RSPH3: variants seen among roughly 807,000 people sequenced by gnomAD.
The protein encoded by RSPH3 is radial spoke head protein 3 homolog.
In RSPH3, 21 loss-of-function variants were observed where a neutral mutation model predicts 43.8. That is an observed-to-expected ratio of 0.48 (90% CI 0.34 to 0.69). The LOEUF (loss-of-function observed/expected upper bound fraction) is 0.69, where lower values mean the gene tolerates loss of function less well. Among genes scored for constraint, RSPH3 ranks in the 30% least tolerant of loss-of-function variants. RSPH3 has a pLI of 0.01. For missense variants in RSPH3, 487 were observed against 516.0 expected (o/e 0.94, Z 0.54); for synonymous variants, 173 against 179.8 (o/e 0.96, Z 0.30).
In RSPH3 at chr6:158,975,554, A is replaced by C. The variant is rs890349636; in HGVS notation, c.*1984T>G. The C allele has an allele frequency of 1.4e-4, 21 of 152,324 alleles. No individual in the cohort carries two copies. Among genetic ancestry groups the C allele is most frequent in the African/African-American group, 4.6e-4 (19 of 41,564 alleles). The allele number at this position is 152,324 out of a possible 1,614,324, so 9.4% of individuals were successfully genotyped here. ...ATTTACTTCATTTAGCTCCACTGCT[A>C]GGCTGTAAAAAACATGTAGTATTCG... On this transcript the variant is annotated 3_prime_UTR_variant, in exon 8 of 8. Coordinates refer to ENST00000367069, the MANE Select transcript of RSPH3 (RefSeq NM_031924.8).
chr6:158,996,004 A>G (rs972565018), intron 1 of RSPH3, among the ~76,000 whole-genome samples: 1 of 152,202 alleles, frequency 6.6e-6, no homozygotes, highest in East Asian at 1.9e-4. Flanking sequence ...CCTTAATGTA[A>G]TCACATCTCA....
intron 3 of RSPH3, among the ~76,000 whole-genome samples, chr6:158,985,436 G>C (rs535005148): frequency 6.6e-6 from 1 of 152,304 alleles, no homozygotes; most frequent in East Asian, 1.9e-4. Flanking sequence ...ACTGCTAAGA[G>C]AGAATTTGGT....
rs915608708 is a variant in RSPH3 at position 158,989,558 on chromosome 6, G to T, written c.205-3137C>A. On this transcript the variant is annotated intron_variant, in intron 2 of 7. Transcript: ENST00000367069. The surrounding 1 kb of genome is among the most constrained non-coding windows in gnomAD (Gnocchi z 4.3). ...TCCTACAATGTGGTGCTGCTGAACA[G>T]CCACTCTGATTTGGTGTTTCCTTTG... Among the ~76,000 whole-genome samples, 4 of 152,266 alleles carry T rather than the reference G, an allele frequency of 2.6e-5. No individual in the cohort carries two copies. In the East Asian group the frequency reaches 7.7e-4, roughly 29 times the overall value.
Position 158,975,193 on chromosome 6 carries a change from A to G in RSPH3, c.*2345T>C, listed in dbSNP as rs982281187. ...AGATATTTTAAAATTGGTAATAACA[A>G]TAATAATCAGCAATAGCCCTAATTA... On this transcript the variant is annotated 3_prime_UTR_variant, in exon 8 of 8. Transcript: ENST00000367069. 1 of 152,206 alleles carries G rather than the reference A, an allele frequency of 6.6e-6. No individual in the cohort carries two copies. Among genetic ancestry groups the G allele is most frequent in the South Asian group, 2.1e-4 (1 of 4,828 alleles). The allele number at this position is 152,206 out of a possible 1,614,324, so 9.4% of individuals were successfully genotyped here. A position where few individuals can be genotyped will look rare whatever the true frequency, so the allele number is the denominator to read the frequency against.
intron 4 of RSPH3, 52 bp downstream of exon 4, chr6:158,983,610 C>T: frequency 1.4e-6 from 2 of 1,411,210 alleles, no homozygotes; most frequent in Non-Finnish European, 2.0e-6. Context: ...CTACACCTAA[C>T]TTTACCTCAT....
At chr6:158,981,055 T>C in intron 5 of RSPH3, 119 bp from the exon 6 acceptor site, 2 of 907,826 alleles carry the variant, frequency 2.2e-6, no homozygotes, top group South Asian at 3.9e-5. Flanking sequence ...GAGGTGTCTA[T>C]CTATTAAAGG....
chr6:158,995,984 A>G (rs960783795), intron 1 of RSPH3, among the ~76,000 whole-genome samples: 1 of 152,122 alleles, frequency 6.6e-6, no homozygotes, highest in South Asian at 2.1e-4. Flanking sequence ...AAGATCTCCC[A>G]TCTCAAGATC....
chr6:158,982,471 A>G lies in RSPH3; in HGVS notation c.696+14T>C. 6.5e-7 allele frequency: 1 copy of G among 1,548,500 alleles called. No individual in the cohort carries two copies. Among genetic ancestry groups the G allele is most frequent in the Non-Finnish European group, 8.8e-7 (1 of 1,142,606 alleles). On this transcript the variant is annotated intron_variant, in intron 5 of 7. Coordinates refer to ENST00000367069, the MANE Select transcript of RSPH3 (RefSeq NM_031924.8). ...CAAAAGACTGCCTAAGAAAGAAAAT[A>G]TAATTATATATACTTTTTCTTCTCG... is the stretch of plus-strand genomic sequence containing the variant.
chr6:158,985,884 G>T (rs1778218586), intron 3 of RSPH3, among the ~76,000 whole-genome samples: 1 of 150,442 alleles, frequency 6.6e-6, no homozygotes, highest in Non-Finnish European at 1.5e-5. Context: ...TGCGATCTCG[G>T]CTTACTGCAA....
intron 1 of RSPH3, among the ~76,000 whole-genome samples, chr6:158,998,416 C>CCGAGATTG (rs1421207993): frequency 7.1e-6 from 1 of 141,642 alleles, no homozygotes; most frequent in Non-Finnish European, 1.5e-5. Context: ...TTGCAGTGAG[C>CCGAGATTG]CGAGATTGTG....
chr6:158,985,130 AC>A (rs1216613188), intron 3 of RSPH3, among the ~76,000 whole-genome samples: 4 of 152,210 alleles, frequency 2.6e-5, no homozygotes, highest in African/African-American at 9.6e-5. Flanking sequence ...ACCCTATAGG[AC>A]CAGGTAAGCC....
Position 158,980,844 on chromosome 6 carries a change from C to T in RSPH3, c.789G>A (p.Leu263=), listed in dbSNP as rs750532376. 10 of 1,614,132 alleles carry T rather than the reference C, an allele frequency of 6.2e-6. No homozygotes were observed. Among genetic ancestry groups the T allele is most frequent in the Non-Finnish European group, 8.5e-6 (10 of 1,180,006 alleles). Residue 263 remains leucine, a synonymous_variant, in exon 6 of 8, where the codon CTG becomes CTA. Coordinates refer to ENST00000367069, the MANE Select transcript of RSPH3 (RefSeq NM_031924.8). ...IAARAFAQRY[L]ADLLPSVFGS... ...CAAAAACAGACGGGAGAAGGTCAGCCAGGTAACGCTGTGCAAATGCTCGGG... is the reference window on the plus strand; with the variant it reads ...CAAAAACAGACGGGAGAAGGTCAGCTAGGTAACGCTGTGCAAATGCTCGGG...
chr6:158,968,784 T>C (rs1777659687), downstream of RSPH3, among the ~76,000 whole-genome samples: 2 of 151,488 alleles, frequency 1.3e-5, no homozygotes. Flanking sequence ...TGATCTCGGC[T>C]TACTGCAACC....
chr6:158,986,210 A>G, intron 3 of RSPH3, 70 bp downstream of exon 3: 1 of 1,500,710 alleles, frequency 6.7e-7, no homozygotes, highest in East Asian at 2.3e-5. Flanking sequence ...ACAAAGGCCA[A>G]ATAAAAATGA....
In RSPH3 at chr6:159,000,160, G is replaced by A. The variant is rs1166003869; in HGVS notation, c.-610C>T. 3.3e-6 allele frequency: 2 copies of A among 606,756 alleles called. No individual in the cohort carries two copies. The highest frequency in any genetic ancestry group is 6.2e-5 in the East Asian group (2 of 32,048). The allele number at this position is 606,756 out of a possible 1,614,324, so 37.6% of individuals were successfully genotyped here. A position where few individuals can be genotyped will look rare whatever the true frequency, so the allele number is the denominator to read the frequency against. ...GCTGCCCCCGCGATAACACGCCCCT[G>A]GCAGCCAGGCTCCCAGCTCTGTTAC... is the stretch of plus-strand genomic sequence containing the variant. On this transcript the variant is annotated 5_prime_UTR_variant, in exon 1 of 8. Transcript: ENST00000367069.
chr6:158,997,789 G>A (rs1039572023), intron 1 of RSPH3, among the ~76,000 whole-genome samples: 1 of 152,138 alleles, frequency 6.6e-6, no homozygotes, highest in Non-Finnish European at 1.5e-5. Flanking sequence ...GGAAGGATTA[G>A]AAAATTTTAA....
Position 158,977,370 on chromosome 6 carries a change from T to G in RSPH3, c.*168A>C. On this transcript the variant is annotated 3_prime_UTR_variant, in exon 8 of 8. Coordinates refer to ENST00000367069, the MANE Select transcript of RSPH3 (RefSeq NM_031924.8). ...TAAATAAATGAATTCAATTTAAGTT[T>G]CATTCTCAAATTAATTTTATCACAT... 3.4e-6 allele frequency: 2 copies of G among 585,010 alleles called. No homozygotes were observed. Among genetic ancestry groups the G allele is most frequent in the Non-Finnish European group, 3.0e-6 (1 of 336,048 alleles). 36.2% of individuals were successfully genotyped at this position (585,010 alleles called of 1,614,324 possible). A position where few individuals can be genotyped will look rare whatever the true frequency, so the allele number is the denominator to read the frequency against.
chr6:158,986,053 C>T (rs987989746), intron 3 of RSPH3, among the ~76,000 whole-genome samples: 5 of 152,000 alleles, frequency 3.3e-5, no homozygotes, highest in East Asian at 1.9e-4. Context: ...TGACCTCAGG[C>T]GATCTGTCCG....
In RSPH3 at chr6:158,980,986, T is replaced by C. The variant is rs1208156086; in HGVS notation, c.697-50A>G. On this transcript the variant is annotated intron_variant, in intron 5 of 7. Transcript: ENST00000367069. ...ATTTAGCTCTTATGCCCTCCCCAAG[T>C]GCTGAATCTAGTGAAGTTAGTAAGT... The C allele has an allele frequency of 1.9e-6, 3 of 1,581,254 alleles. No individual in the cohort carries two copies. In the East Asian group the frequency reaches 6.7e-5, roughly 35 times the overall value.
Sources: gnomAD v4.1 joint callset for allele counts (sites outside exome capture counted in the v4.1 genomes callset) on GRCh38, gnomAD v4.1.1 for gene constraint, Gnocchi (gnomAD v3.1) non-coding constraint, MANE v1.5 for transcripts, NCBI Gene and HGNC (gene_info 2026-07-23, HGNC 2026-07-21) for gene names.